CDH12: variants seen among roughly 807,000 people sequenced by gnomAD.
CDH12 encodes cadherin 12, also known as cadherin-12.
A neutral mutation model predicts 74.1 loss-of-function variants in CDH12; 41 were observed. The observed-to-expected ratio is 0.55, with a 90% CI of 0.43 to 0.72. CDH12 has a LOEUF of 0.72. Ranked by LOEUF, CDH12 falls within the 30% of genes least tolerant of loss-of-function variation. The pLI is 0.00. For missense variants in CDH12, 945 were observed against 977.2 expected, an observed-to-expected ratio of 0.97 and a Z score of 0.44; for synonymous variants, 399 against 355.0, an observed-to-expected ratio of 1.12 and a Z score of -1.39.
chr5:22,758,155 C>T (rs1240006915), intron 1 of CDH12, among the ~76,000 whole-genome samples: 2 of 152,142 alleles, frequency 1.3e-5, no homozygotes, highest in African/African-American at 4.8e-5. Flanking sequence ...ATCTAACTGC[C>T]ACAGAATTGT....
At chr5:22,053,049 A>T (rs566839124) in intron 5 of CDH12, among the ~76,000 whole-genome samples, 2 of 151,738 alleles carry the variant, frequency 1.3e-5, no homozygotes, top group Non-Finnish European at 2.9e-5. Context: ...ATTTAAGAAT[A>T]CTGAGGGTCT....
At chr5:22,010,057 C>A (rs1162950211) in intron 5 of CDH12, among the ~76,000 whole-genome samples, 1 of 151,686 alleles carries the variant, frequency 6.6e-6, no homozygotes, top group South Asian at 2.1e-4. Context: ...TTTTCCGTAT[C>A]AACATAAAAC....
At chr5:22,149,437 CTA>C (rs1747425256) in intron 4 of CDH12, among the ~76,000 whole-genome samples, 1 of 152,090 alleles carries the variant, frequency 6.6e-6, no homozygotes, top group Non-Finnish European at 1.5e-5. Flanking sequence ...TTGAGTTGTC[CTA>C]TATGTTTTTC....
At chr5:22,530,084 C>T (rs1000611233) in intron 1 of CDH12, among the ~76,000 whole-genome samples, 1 of 151,854 alleles carries the variant, frequency 6.6e-6, no homozygotes, top group Non-Finnish European at 1.5e-5. Flanking sequence ...TCAAATTGTT[C>T]GATAGTATTA....
At chr5:22,413,285 G>A (rs563582916) in intron 2 of CDH12, among the ~76,000 whole-genome samples, 2 of 152,096 alleles carry the variant, frequency 1.3e-5, no homozygotes, top group South Asian at 2.1e-4. Context: ...GGGAAAAGTA[G>A]TAAGCTCAAA....
chr5:22,409,603 G>A (rs929909844), intron 2 of CDH12, among the ~76,000 whole-genome samples: 18 of 152,034 alleles, frequency 1.2e-4, no homozygotes, highest in African/African-American at 4.1e-4. Context: ...AACCAATGGT[G>A]AGGGTCTTTC....
Position 22,065,841 on chromosome 5 carries a change from C to A in CDH12, c.231+12605G>T, listed in dbSNP as rs938069270. ...AAGGTTGGCATGTTTACCAATAAAC[C>A]ATAGTCAAAAGAGCAATCAGAATGC... On this transcript the variant is annotated intron_variant, in intron 5 of 14. Transcript: ENST00000382254. 1.2e-4 allele frequency among the ~76,000 whole-genome samples: 18 copies of A among 152,230 alleles called. No individual in the cohort carries two copies. In the East Asian group the frequency reaches 3.3e-3, roughly 28 times the overall value.
intron 11 of CDH12, among the ~76,000 whole-genome samples, chr5:21,766,113 C>A (rs1405829228): frequency 6.6e-6 from 1 of 151,996 alleles, no homozygotes; most frequent in African/African-American, 2.4e-5. Context: ...TTTTAGACAT[C>A]TATCTAGAAT....
At chr5:22,437,054 G>T (rs1744426439) in intron 2 of CDH12, among the ~76,000 whole-genome samples, 1 of 151,824 alleles carries the variant, frequency 6.6e-6, no homozygotes, top group Non-Finnish European at 1.5e-5. Flanking sequence ...TAGAAAATAA[G>T]ATTTAACTTT....
chr5:22,698,717 ATATATATATATATATATAGTGT>A (rs1302193884), intron 1 of CDH12, among the ~76,000 whole-genome samples: 772 of 30,748 alleles, frequency 0.025, 62 homozygotes, highest in Admixed American at 0.064. Context: ...ATATATATAT[ATATATATATATATATATAGTGT>A]GTGTGTGTGT....
chr5:22,391,766 T>A (rs952046834), intron 3 of CDH12, among the ~76,000 whole-genome samples: 4 of 152,208 alleles, frequency 2.6e-5, no homozygotes, highest in East Asian at 1.9e-4. Context: ...AATATCATGG[T>A]CAATATAAAT....
intron 1 of CDH12, among the ~76,000 whole-genome samples, chr5:22,713,343 A>G (rs931258240): frequency 4.0e-5 from 6 of 151,542 alleles, no homozygotes; most frequent in Non-Finnish European, 8.8e-5. Context: ...GGGTTTCACT[A>G]TGTTGGCCAG....
rs140999251 is a variant in CDH12, at chr5:22,354,060, G to C, written c.-333+51197C>G. On this transcript the variant is annotated intron_variant, in intron 3 of 14. Coordinates refer to ENST00000382254, the MANE Select transcript of CDH12 (RefSeq NM_004061.5). ...AAAATTCCCATCCAAGTCTCAGAAA[G>C]CACTTTCCTCTGAAGTGAATCTTAT... is the stretch of plus-strand genomic sequence containing the variant. 5.4e-3 allele frequency among the ~76,000 whole-genome samples: 826 copies of C among 152,292 alleles called. 26 individuals carry two copies. The highest frequency in any genetic ancestry group is 0.047 in the Admixed American group (721 of 15,284).
chr5:22,501,968 C>T (rs111816670), intron 2 of CDH12, among the ~76,000 whole-genome samples: 1 of 152,082 alleles, frequency 6.6e-6, no homozygotes, highest in African/African-American at 2.4e-5. Context: ...GCCCTAAAGA[C>T]TTGCTTTTTA....
intron 1 of CDH12, among the ~76,000 whole-genome samples, chr5:22,680,680 C>T (rs908158378): frequency 1.3e-5 from 2 of 152,014 alleles, no homozygotes; most frequent in African/African-American, 4.8e-5. Context: ...TTGATTGCTT[C>T]AGCAATTCCT....
At chr5:21,839,201 A>G (rs138707527) in intron 8 of CDH12, among the ~76,000 whole-genome samples, 209 of 152,308 alleles carry the variant, frequency 1.4e-3, no homozygotes, top group Middle Eastern at 0.014. Context: ...CATATATTAG[A>G]GAAACAAATG....
intron 3 of CDH12, among the ~76,000 whole-genome samples, chr5:22,271,170 C>T (rs1251338066): frequency 1.3e-5 from 2 of 152,118 alleles, no homozygotes; most frequent in Non-Finnish European, 2.9e-5. Context: ...GCTGCTTTAT[C>T]AACTTAGTTT....
At chr5:21,915,450 G>A (rs1186629518) in intron 6 of CDH12, among the ~76,000 whole-genome samples, 2 of 152,046 alleles carry the variant, frequency 1.3e-5, no homozygotes, top group Non-Finnish European at 2.9e-5. Context: ...CTAACTATGG[G>A]GCAAGTTAAT....
At chr5:22,511,260 G>T (rs1736594911) in intron 1 of CDH12, among the ~76,000 whole-genome samples, 1 of 152,014 alleles carries the variant, frequency 6.6e-6, no homozygotes, top group Non-Finnish European at 1.5e-5. Context: ...CACAAAATTT[G>T]AATTAAAATT....
Sources: gnomAD v4.1 joint callset for allele counts (sites outside exome capture counted in the v4.1 genomes callset) on GRCh38, gnomAD v4.1.1 for gene constraint, MANE v1.5 for transcripts, NCBI Gene and HGNC (gene_info 2026-07-23, HGNC 2026-07-21) for gene names.